The following TIMELESS variants were observed in gnomAD, a reference collection of about 807,000 sequenced individuals.
The protein encoded by TIMELESS is timeless circadian regulator, also known as protein timeless homolog.
A neutral mutation model predicts 164.3 loss-of-function variants in TIMELESS; 124 were observed. The ratio of observed to expected loss-of-function variants is 0.75; its 90% CI spans 0.65 to 0.88. The LOEUF (loss-of-function observed/expected upper bound fraction) is 0.88. TIMELESS is among the 40% of genes least tolerant of loss of function. The probability of loss-of-function intolerance (pLI) is 0.00; values close to 1 mark genes in which losing one functional copy is unlikely to be tolerated. For missense variants in TIMELESS, 1,422 were observed against 1,491.4 expected, an observed-to-expected ratio of 0.95 and a Z score of 0.77; for synonymous variants, 564 against 563.4, an observed-to-expected ratio of 1.00 and a Z score of -0.02.
At chr12:56,432,316 CA>C in intron 7 of TIMELESS, 52 bp downstream of exon 7, 1 of 1,565,754 alleles carries the variant, frequency 6.4e-7, no homozygotes. Context: ...TCTGGCTGTA[CA>C]GCAGAAAAGT....
chr12:56,422,958 T>A lies in TIMELESS; in HGVS notation c.2327A>T (p.Lys776Ile). The A allele has an allele frequency of 6.2e-7, 1 of 1,613,898 alleles. No homozygotes were observed. Among genetic ancestry groups the A allele is most frequent in the Middle Eastern group, 1.7e-4 (1 of 5,982 alleles). The change falls in exon 19 of 29, where the codon AAA (lysine) becomes ATA (isoleucine). Residue 776 changes from lysine to isoleucine, a missense_variant. By Grantham distance (102) the Lys-to-Ile change is moderately radical. Coordinates refer to ENST00000553532, the MANE Select transcript of TIMELESS (RefSeq NM_003920.5). Reference protein sequence around the residue: ...LVTFAKYILGKFFALAAVNQK... With the variant: ...LVTFAKYILGIFFALAAVNQK... ...GTTGACTGCAGCCAGTGCAAAAAAT[T>A]TGCCCAGGATGTATTTGGCAAAAGT...
chr12:56,422,832 CA>C lies in TIMELESS; in HGVS notation c.2438+14del. Reference sequence around the variant, plus strand: ...TCCCCTACCCCCACCCACCCTTTGCCAACTTCAAGCTCACCTGTCATCCAGG... The same window carrying C: ...TCCCCTACCCCCACCCACCCTTTGCCACTTCAAGCTCACCTGTCATCCAGG... On this transcript the variant is annotated intron_variant, in intron 19 of 28. Transcript: ENST00000553532. 6.3e-7 allele frequency: 1 copy of C among 1,589,760 alleles called. No homozygotes were observed. Among genetic ancestry groups the C allele is most frequent in the East Asian group, 2.3e-5 (1 of 44,356 alleles).
At position 56,446,810 on chromosome 12, in the gene TIMELESS, C is replaced by CAA. The variant is rs57794084; in HGVS notation, c.-62+2498_-62+2499dup. Among the ~76,000 whole-genome samples, 1,192 of 126,964 alleles carry CAA rather than the reference C, an allele frequency of 9.4e-3. 13 individuals are homozygous for CAA. Among genetic ancestry groups the CAA allele is most frequent in the African/African-American group, 0.03 (1,073 of 35,650 alleles). The allele number at this position is 126,964 out of a possible 152,430, so 83.3% of individuals were successfully genotyped here. ...GGACAATAAGAGCAAAACTCCATCT[C>CAA]AAAAAAAAAAAAAAAGACTGCCCAA... On this transcript the variant is annotated intron_variant, in intron 1 of 28. Transcript: ENST00000553532.
intron 6 of TIMELESS, 53 bp from the exon 7 acceptor site, chr12:56,432,577 T>TG: frequency 6.3e-7 from 1 of 1,587,040 alleles, no homozygotes; most frequent in Non-Finnish European, 8.6e-7. Context: ...CCCACTGCCC[T>TG]GCCTTGAAGC....
At position 56,416,617 on chromosome 12, in the gene TIMELESS, C is replaced by T. The variant is rs1881267353; in HGVS notation, c.*1099G>A. The T allele has an allele frequency of 1.3e-5, 2 of 152,202 alleles. No homozygotes were observed. Among genetic ancestry groups the T allele is most frequent in the Admixed American group, 1.3e-4 (2 of 15,284 alleles). 9.4% of individuals were successfully genotyped at this position (152,202 alleles called of 1,614,324 possible). On this transcript the variant is annotated 3_prime_UTR_variant, in exon 29 of 29. Coordinates refer to ENST00000553532, the MANE Select transcript of TIMELESS (RefSeq NM_003920.5). ...GGCTCCTCCTTCTTCCTGCCGCATA[C>T]TCTTGTCACCCTAAGAATTTACCCT...
chr12:56,418,159 C>G lies in TIMELESS; in HGVS notation c.3429G>C (p.Lys1143Asn). 3 of 1,614,220 alleles carry G rather than the reference C, an allele frequency of 1.9e-6. No individual in the cohort carries two copies. Among genetic ancestry groups the G allele is most frequent in the Non-Finnish European group, 2.5e-6 (3 of 1,180,038 alleles). The change falls in exon 27 of 29, where the codon AAG becomes AAC. Residue 1143 changes from lysine to asparagine, a missense_variant. Coordinates refer to ENST00000553532, the MANE Select transcript of TIMELESS (RefSeq NM_003920.5). ...ALRALLLAHK[K>N]KAGLASPEEE... is the part of the protein sequence containing the mutation. ...CCTCTGGGGATGCCAGGCCCGCTTT[C>G]TTCTTGTGGGCTAGCAAGAGGGCCC...
chr12:56,417,961 G>A lies in TIMELESS; in HGVS notation c.3502C>T (p.Arg1168Ter), dbSNP rs754328860. The A allele has an allele frequency of 2.4e-5, 38 of 1,614,042 alleles. No individual in the cohort carries two copies. The highest frequency in any genetic ancestry group is 2.7e-5 in the African/African-American group (2 of 74,896). The change falls in exon 28 of 29, where the codon CGA becomes TGA. Residue 1168 changes from arginine (R) to a stop codon, truncating the protein, a stop_gained. Transcript: ENST00000553532. LOFTEE classifies it high-confidence loss of function. The part of the protein sequence containing the change: ...KEPLKAAPKK[R>*]QLLDSDEEQE... The stretch of plus-strand genomic sequence containing the variant: ...TCCTCGTCGCTGTCCAGCAATTGTC[G>A]TTTCTTGGGTGCTGCCTTCAGCGGC...
intron 10 of TIMELESS, among the ~76,000 whole-genome samples, chr12:56,429,793 G>C (rs1157157786): frequency 6.6e-6 from 1 of 151,484 alleles, no homozygotes; most frequent in Non-Finnish European, 1.5e-5. Flanking sequence ...TGGGATTACA[G>C]GTGTGAGCCA....
chr12:56,425,207 A>G (rs1000100136), intron 13 of TIMELESS, 55 bp from the exon 14 acceptor site: 44 of 1,537,032 alleles, frequency 2.9e-5, no homozygotes, highest in Non-Finnish European at 3.7e-5. Context: ...GGCTTTCCCC[A>G]TCAGTGTCTT....
intron 1 of TIMELESS, 33 bp from the exon 2 acceptor site, chr12:56,434,264 T>G: frequency 9.9e-7 from 1 of 1,005,530 alleles, no homozygotes; most frequent in Non-Finnish European, 1.6e-6. Context: ...AAAATGTAAG[T>G]TCCTCTCCAT....
intron 1 of TIMELESS, among the ~76,000 whole-genome samples, chr12:56,439,501 C>T (rs1868249491): frequency 6.6e-6 from 1 of 151,700 alleles, no homozygotes. Context: ...CCCAAGCAAT[C>T]CTCCCACCTC....
At chr12:56,421,535 A>C (rs1881490192) in intron 22 of TIMELESS, 42 bp from the exon 23 acceptor site, 7 of 1,588,780 alleles carry the variant, frequency 4.4e-6, no homozygotes, top group Non-Finnish European at 5.1e-6. Context: ...GTAACAGGGA[A>C]AGAGATGAGT....
At chr12:56,428,131 C>G in intron 13 of TIMELESS, 105 bp downstream of exon 13, 1 of 1,124,868 alleles carries the variant, frequency 8.9e-7, no homozygotes, top group Middle Eastern at 3.1e-4. Flanking sequence ...TAGTTCAGAG[C>G]ACGTTTAACA....
intron 1 of TIMELESS, among the ~76,000 whole-genome samples, chr12:56,440,931 C>T (rs938735693): frequency 6.6e-6 from 1 of 152,140 alleles, no homozygotes; most frequent in South Asian, 2.1e-4. Context: ...TATTATCGTG[C>T]CTCAGCCTCC....
intron 13 of TIMELESS, among the ~76,000 whole-genome samples, 181 bp from the exon 14 acceptor site, chr12:56,425,333 C>G (rs962378395): frequency 2.6e-5 from 4 of 152,126 alleles, no homozygotes; most frequent in Non-Finnish European, 1.5e-5. Context: ...AGCTTTTACT[C>G]TAGTGGTGGA....
chr12:56,432,044 G>A (rs1881904943), intron 7 of TIMELESS, among the ~76,000 whole-genome samples: 1 of 152,126 alleles, frequency 6.6e-6, no homozygotes, highest in Non-Finnish European at 1.5e-5. Context: ...ATGCTGGGCA[G>A]AGGGATGATT....
chr12:56,425,654 C>A (rs573426363), intron 13 of TIMELESS, among the ~76,000 whole-genome samples: 2 of 152,216 alleles, frequency 1.3e-5, no homozygotes, highest in East Asian at 3.9e-4. Flanking sequence ...GCAGGTGGAT[C>A]GCTTGAGGTC....
intron 13 of TIMELESS, among the ~76,000 whole-genome samples, chr12:56,425,659 G>T (rs1881653385): frequency 6.6e-6 from 1 of 152,180 alleles, no homozygotes; most frequent in Admixed American, 6.5e-5. Context: ...TGGATCGCTT[G>T]AGGTCAGGAG....
At chr12:56,439,167 CAAAAAAAAAAAAAAAAAA>C (rs57127557) in intron 1 of TIMELESS, among the ~76,000 whole-genome samples, 1 of 85,640 alleles carries the variant, frequency 1.2e-5, no homozygotes, top group Non-Finnish European at 2.2e-5. Context: ...AACTCCTTCT[CAAAAAAAAAAAAAAAAAA>C]AAAAAAAAAA....
Sources: allele counts gnomAD v4.1 joint callset (sites outside exome capture counted in the v4.1 genomes callset), GRCh38; gene constraint gnomAD v4.1.1; transcripts MANE v1.5; gene names NCBI Gene and HGNC (gene_info 2026-07-23, HGNC 2026-07-21).